RNGTT: variants seen among roughly 807,000 people sequenced by gnomAD.
The protein encoded by RNGTT is mRNA-capping enzyme.
Under a neutral mutation model 79.3 loss-of-function variants are expected in RNGTT, and 33 were observed. That is an observed-to-expected ratio of 0.42 (90% CI 0.32 to 0.56). The LOEUF (loss-of-function observed/expected upper bound fraction) is 0.56. RNGTT is among the 20% of genes least tolerant of loss of function. The pLI is 0.17. For missense variants in RNGTT, 497 were observed against 739.1 expected (o/e 0.67, Z 3.80); for synonymous variants, 222 against 235.9 (o/e 0.94, Z 0.54).
intron 14 of RNGTT, among the ~76,000 whole-genome samples, chr6:88,666,659 C>T (rs2756395): frequency 0.086 from 13,020 of 152,144 alleles, 1,898 homozygotes; most frequent in African/African-American, 0.3. Flanking sequence ...TCTAGCAGAC[C>T]GGACCTCCGG....
chr6:88,725,834 G>C lies in RNGTT; in HGVS notation c.1439+43940C>G, dbSNP rs548201909. The stretch of plus-strand genomic sequence containing the variant: ...TCCCCTAGGGGAAGGGGAAGGAGAG[G>C]GGAGAACAGCAGCATAAGCGGCTGG... On this transcript the variant is annotated intron_variant, in intron 13 of 15. Transcript: ENST00000369485. Among the ~76,000 whole-genome samples the C allele has an allele frequency of 2.8e-3, 423 of 152,246 alleles. 2 individuals are homozygous for C. Among genetic ancestry groups the C allele is most frequent in the Middle Eastern group, 6.8e-3 (2 of 294 alleles).
At chr6:88,614,877 G>A (rs1242788889) in intron 14 of RNGTT, among the ~76,000 whole-genome samples, 1 of 152,136 alleles carries the variant, frequency 6.6e-6, no homozygotes, top group Admixed American at 6.5e-5. Context: ...TCAAATTCAG[G>A]CAATGTACAT....
chr6:88,654,585 TTTTCCTTCCTCCCTCTTCCCA>T, intron 14 of RNGTT, among the ~76,000 whole-genome samples: 1 of 151,644 alleles, frequency 6.6e-6, no homozygotes, highest in East Asian at 1.9e-4. Flanking sequence ...CTCATTCATC[TTTTCCTTCCTCCCTCTTCCCA>T]GTAACTATGA....
At chr6:88,646,005 G>A (rs949720912) in intron 14 of RNGTT, among the ~76,000 whole-genome samples, 8 of 152,180 alleles carry the variant, frequency 5.3e-5, no homozygotes, top group African/African-American at 1.9e-4. Flanking sequence ...TGACAAATGG[G>A]ATCTAATTAA....
intron 7 of RNGTT, among the ~76,000 whole-genome samples, 181 bp downstream of exon 7, chr6:88,891,625 A>T (rs1001316245): frequency 6.6e-6 from 1 of 152,152 alleles, no homozygotes; most frequent in African/African-American, 2.4e-5. Flanking sequence ...TATGTGAGTC[A>T]TCTAATTTTG....
intron 14 of RNGTT, among the ~76,000 whole-genome samples, chr6:88,675,144 C>T (rs879880590): frequency 6.7e-6 from 1 of 150,350 alleles, no homozygotes; most frequent in Non-Finnish European, 1.5e-5. Flanking sequence ...AAAACATTAA[C>T]AGAAAGTTAC....
At chr6:88,631,619 A>G (rs1772890807) in intron 14 of RNGTT, among the ~76,000 whole-genome samples, 1 of 152,066 alleles carries the variant, frequency 6.6e-6, no homozygotes, top group African/African-American at 2.4e-5. Flanking sequence ...AGGAGCTGAG[A>G]TCTTGAGCAA....
intron 9 of RNGTT, among the ~76,000 whole-genome samples, chr6:88,850,246 A>G (rs1036627685): frequency 2.0e-5 from 3 of 151,976 alleles, no homozygotes; most frequent in African/African-American, 7.2e-5. Context: ...ATCTATGACA[A>G]TAAATGGCAT....
At chr6:88,893,465 C>T (rs1275901299) in intron 6 of RNGTT, among the ~76,000 whole-genome samples, 1 of 152,118 alleles carries the variant, frequency 6.6e-6, no homozygotes, top group Non-Finnish European at 1.5e-5. Context: ...AACACAAACA[C>T]TATTTATATT....
At chr6:88,903,605 T>C (rs1245433458) in intron 6 of RNGTT, among the ~76,000 whole-genome samples, 2 of 152,188 alleles carry the variant, frequency 1.3e-5, no homozygotes, top group Non-Finnish European at 2.9e-5. Context: ...TTAAAATGTG[T>C]AAATGCAATT....
At chr6:88,719,954 G>A (rs1472133869) in intron 13 of RNGTT, among the ~76,000 whole-genome samples, 1 of 152,182 alleles carries the variant, frequency 6.6e-6, no homozygotes, top group Non-Finnish European at 1.5e-5. Flanking sequence ...CGTCCAAGAA[G>A]TGTTGAGCAT....
At chr6:88,917,020 G>A (rs1035148933) in intron 4 of RNGTT, among the ~76,000 whole-genome samples, 7 of 152,154 alleles carry the variant, frequency 4.6e-5, no homozygotes, top group Admixed American at 2.6e-4. Context: ...GGGAGTAATG[G>A]TGGGGATCCA....
intron 11 of RNGTT, among the ~76,000 whole-genome samples, chr6:88,820,206 T>C (rs1329367312): frequency 6.6e-6 from 1 of 152,078 alleles, no homozygotes; most frequent in Non-Finnish European, 1.5e-5. Flanking sequence ...TTACTGATGA[T>C]GATGATATGA....
At chr6:88,898,668 T>A (rs1783336430) in intron 6 of RNGTT, among the ~76,000 whole-genome samples, 3 of 150,428 alleles carry the variant, frequency 2.0e-5, no homozygotes. Context: ...ACTGTGTGTG[T>A]GTGTGTATAT....
chr6:88,917,081 C>G (rs56750248), intron 4 of RNGTT, among the ~76,000 whole-genome samples: 3,325 of 152,280 alleles, frequency 0.022, 121 homozygotes, highest in African/African-American at 0.076. Flanking sequence ...CTTTTTAAGT[C>G]CCTATTAAAT....
chr6:88,779,390 TG>T (rs1244401996), intron 12 of RNGTT, among the ~76,000 whole-genome samples: 18 of 152,198 alleles, frequency 1.2e-4, no homozygotes, highest in African/African-American at 4.3e-4. Context: ...AGTTGAATGA[TG>T]GTATAGTTTT....
intron 13 of RNGTT, among the ~76,000 whole-genome samples, chr6:88,740,811 G>A (rs1777461922): frequency 6.6e-6 from 1 of 152,038 alleles, no homozygotes; most frequent in Non-Finnish European, 1.5e-5. Context: ...GTCAATAGGT[G>A]CTGCAAACTA....
chr6:88,714,505 GGA>G (rs1776434258), intron 13 of RNGTT: 2 of 89,106 alleles, frequency 2.2e-5, no homozygotes, highest in Non-Finnish European at 3.8e-5. Flanking sequence ...TGCAGTGGCG[GGA>G]TCTCGGCTCA....
At chr6:88,682,537 T>C (rs1189390025) in intron 13 of RNGTT, among the ~76,000 whole-genome samples, 1 of 152,246 alleles carries the variant, frequency 6.6e-6, no homozygotes. Context: ...TCTAGTGGGA[T>C]GTAAATTTAA....
Sources: allele counts gnomAD v4.1 joint callset (sites outside exome capture counted in the v4.1 genomes callset), GRCh38; gene constraint gnomAD v4.1.1; transcripts MANE v1.5; gene names NCBI Gene and HGNC (gene_info 2026-07-23, HGNC 2026-07-21).